Variants in THSD7A observed in about 807,000 individuals in gnomAD.
THSD7A encodes the protein thrombospondin type-1 domain-containing protein 7A.
THSD7A carries 96 observed loss-of-function variants against 231.3 expected under a neutral mutation model. The observed-to-expected ratio is 0.41, with a 90% CI of 0.35 to 0.49. The LOEUF (loss-of-function observed/expected upper bound fraction) is 0.49, where lower values mean the gene tolerates loss of function less well. Ranked by LOEUF, THSD7A falls within the 20% of genes least tolerant of loss-of-function variation. The pLI, the probability that THSD7A is intolerant of heterozygous loss-of-function variation, is 0.05. For synonymous variants in THSD7A, 940 were observed against 743.3 expected (o/e 1.26, Z -4.30); for missense variants, 2,290 against 2,070.2 (o/e 1.11, Z -2.06).
chr7:11,485,174 C>T (rs139025809), intron 6 of THSD7A, among the ~76,000 whole-genome samples: 178 of 152,178 alleles, frequency 1.2e-3, no homozygotes, highest in African/African-American at 4.2e-3. Context: ...CAGGCATGAG[C>T]CACCGCACCC....
chr7:11,774,034 C>T (rs1023359486), intron 1 of THSD7A, among the ~76,000 whole-genome samples: 1 of 152,060 alleles, frequency 6.6e-6, no homozygotes, highest in Non-Finnish European at 1.5e-5. Context: ...TAGAATTACC[C>T]AAACAGTAAT....
At chr7:11,789,172 G>A (rs1193761243) in intron 1 of THSD7A, among the ~76,000 whole-genome samples, 1 of 151,836 alleles carries the variant, frequency 6.6e-6, no homozygotes, top group African/African-American at 2.4e-5. Context: ...ATTGCAAAGT[G>A]GTGTCATTGA....
chr7:11,592,908 T>C (rs1780220770), intron 3 of THSD7A, among the ~76,000 whole-genome samples: 1 of 152,156 alleles, frequency 6.6e-6, no homozygotes, highest in African/African-American at 2.4e-5. Flanking sequence ...CACGCTCAGT[T>C]GTTTACATAT....
intron 14 of THSD7A, 32 bp downstream of exon 14, chr7:11,428,915 A>G (rs1784400053): frequency 6.4e-7 from 1 of 1,562,640 alleles, no homozygotes; most frequent in South Asian, 1.2e-5. Flanking sequence ...GAATCTCAAC[A>G]ATATCTTAAC....
At chr7:11,396,112 C>A (rs933090642) in intron 23 of THSD7A, among the ~76,000 whole-genome samples, 1 of 152,142 alleles carries the variant, frequency 6.6e-6, no homozygotes, top group African/African-American at 2.4e-5. Flanking sequence ...TTCAAAGACA[C>A]AACATACCAG....
chr7:11,498,577 G>A (rs1037865650), intron 6 of THSD7A, among the ~76,000 whole-genome samples: 1 of 152,114 alleles, frequency 6.6e-6, no homozygotes, highest in East Asian at 1.9e-4. Context: ...AGTGACCGGG[G>A]GCTGAAGTGG....
intron 24 of THSD7A, among the ~76,000 whole-genome samples, chr7:11,380,441 T>G (rs1452422162): frequency 6.6e-6 from 1 of 152,172 alleles, no homozygotes; most frequent in Non-Finnish European, 1.5e-5. Flanking sequence ...TTAACAGAAT[T>G]TTAGCAAAAC....
intron 2 of THSD7A, among the ~76,000 whole-genome samples, chr7:11,599,438 T>A (rs1173445840): frequency 6.6e-6 from 1 of 152,238 alleles, no homozygotes; most frequent in Non-Finnish European, 1.5e-5. Context: ...CAGTATTTCC[T>A]CCTTCTTTTG....
intron 9 of THSD7A, among the ~76,000 whole-genome samples, chr7:11,462,932 AC>A (rs1185608832): frequency 3.9e-5 from 6 of 152,188 alleles, no homozygotes; most frequent in Admixed American, 2.0e-4. Flanking sequence ...AAACTTGCCA[AC>A]TTTAATAAAA....
At chr7:11,407,548 C>T (rs1783628371) in intron 19 of THSD7A, 125 bp from the exon 20 acceptor site, 1 of 681,716 alleles carries the variant, frequency 1.5e-6, no homozygotes, top group Admixed American at 2.8e-5. Flanking sequence ...AAAATGTTAC[C>T]TGGAGGACAA....
intron 4 of THSD7A, among the ~76,000 whole-genome samples, chr7:11,583,028 T>C (rs1311188211): frequency 1.3e-5 from 2 of 152,142 alleles, no homozygotes; most frequent in Admixed American, 6.6e-5. Flanking sequence ...CTCATTTTTA[T>C]TGTCAACTTC....
intron 1 of THSD7A, among the ~76,000 whole-genome samples, chr7:11,700,853 A>G (rs918350992): frequency 7.5e-5 from 11 of 146,782 alleles, no homozygotes; most frequent in African/African-American, 2.7e-4. Context: ...TTCCAGCTTC[A>G]TAAGGCAAAA....
At chr7:11,614,427 T>C (rs906904357) in intron 2 of THSD7A, among the ~76,000 whole-genome samples, 1 of 152,208 alleles carries the variant, frequency 6.6e-6, no homozygotes. Context: ...GATGTGGTGA[T>C]TGGTGGTGAT....
In THSD7A at chr7:11,429,524, G is replaced by C. The variant is rs992191994; in HGVS notation, c.3065-399C>G. On this transcript the variant is annotated intron_variant, in intron 13 of 27. Coordinates refer to ENST00000423059, the MANE Select transcript of THSD7A (RefSeq NM_015204.3). ...ATGTCACACAAGTTCAGGGTTCTGA[G>C]TCCATGCAACGTTCTTTCTTAAGAA... is the stretch of plus-strand genomic sequence containing the variant. 5.3e-5 allele frequency among the ~76,000 whole-genome samples: 8 copies of C among 152,268 alleles called. No individual in the cohort carries two copies. In the East Asian group the frequency reaches 1.4e-3, roughly 26 times the overall value.
At chr7:11,419,728 T>G (rs1169617509) in intron 16 of THSD7A, among the ~76,000 whole-genome samples, 1 of 152,212 alleles carries the variant, frequency 6.6e-6, no homozygotes, top group Non-Finnish European at 1.5e-5. Context: ...CGTTTGGAAC[T>G]TCCTAAAGAC....
chr7:11,483,650 T>A (rs909554780), intron 6 of THSD7A, among the ~76,000 whole-genome samples: 1 of 152,164 alleles, frequency 6.6e-6, no homozygotes, highest in Non-Finnish European at 1.5e-5. Flanking sequence ...TGACTCTTTT[T>A]TCTACTAGGC....
chr7:11,725,807 G>T (rs1023933171), intron 1 of THSD7A, among the ~76,000 whole-genome samples: 2 of 151,848 alleles, frequency 1.3e-5, no homozygotes, highest in African/African-American at 4.8e-5. Flanking sequence ...TAGATTCAGT[G>T]TTTCTTTACT....
chr7:11,424,979 C>T (rs1784272030), intron 15 of THSD7A, 150 bp from the exon 16 acceptor site: 1 of 956,060 alleles, frequency 1.0e-6, no homozygotes, highest in Admixed American at 2.7e-5. Context: ...ATAGAGAGAA[C>T]TCAAGAGTTC....
intron 1 of THSD7A, among the ~76,000 whole-genome samples, chr7:11,813,942 T>G (rs1784606190): frequency 6.6e-6 from 1 of 152,112 alleles, no homozygotes; most frequent in Admixed American, 6.5e-5. Flanking sequence ...GTCTATCAGC[T>G]GAGGAATAAA....
Sources: allele counts gnomAD v4.1 joint callset (sites outside exome capture counted in the v4.1 genomes callset), GRCh38; gene constraint gnomAD v4.1.1; transcripts MANE v1.5; gene names NCBI Gene and HGNC (gene_info 2026-07-23, HGNC 2026-07-21).